The following BCAT1 variants were observed in gnomAD, a reference collection of about 807,000 sequenced individuals.
BCAT1 encodes branched-chain-amino-acid aminotransferase, cytosolic.
In BCAT1, 48 loss-of-function variants were observed where a neutral mutation model predicts 52.4. The ratio of observed to expected loss-of-function variants is 0.92; its 90% CI spans 0.73 to 1.16. The LOEUF (loss-of-function observed/expected upper bound fraction) is 1.16. Ranked by LOEUF, BCAT1 falls within the 50% of genes most tolerant of loss-of-function variation. The pLI is 0.00. For synonymous variants in BCAT1, 167 were observed against 161.3 expected (o/e 1.04, Z -0.27); for missense variants, 451 against 457.1 (o/e 0.99, Z 0.12).
intron 1 of BCAT1, among the ~76,000 whole-genome samples, chr12:24,910,228 T>C (rs1269624983): frequency 6.6e-6 from 1 of 151,744 alleles, no homozygotes; most frequent in African/African-American, 2.4e-5. Flanking sequence ...AAAGGAAAAA[T>C]TAGCTGGGCT....
intron 3 of BCAT1, among the ~76,000 whole-genome samples, chr12:24,893,185 A>G (rs530723999): frequency 6.6e-6 from 1 of 152,344 alleles, no homozygotes; most frequent in South Asian, 2.1e-4. Context: ...ATTAGTCAAG[A>G]AACAACTCTT....
At chr12:24,835,817 CT>C (rs1940895526) in intron 8 of BCAT1, among the ~76,000 whole-genome samples, 1 of 152,018 alleles carries the variant, frequency 6.6e-6, no homozygotes, top group South Asian at 2.1e-4. Context: ...TCTCGAATTC[CT>C]GGGCTTAAGT....
Position 24,815,052 on chromosome 12 carries a change from A to T in BCAT1, c.*2956T>A, listed in dbSNP as rs1209637131. ...AAGTCAACTCTTCTTTTGGTGTATC[A>T]CGAGTTGAATCCTTAATAAATGACT... On this transcript the variant is annotated 3_prime_UTR_variant, in exon 11 of 11. Coordinates refer to ENST00000261192, the MANE Select transcript of BCAT1 (RefSeq NM_005504.7). The T allele has an allele frequency of 6.6e-6, 1 of 152,112 alleles. No homozygotes were observed. The highest frequency in any genetic ancestry group is 1.5e-5 in the Non-Finnish European group (1 of 68,010). The allele number at this position is 152,112 out of a possible 1,614,324, so 9.4% of individuals were successfully genotyped here. A position where few individuals can be genotyped will look rare whatever the true frequency, so the allele number is the denominator to read the frequency against.
intron 9 of BCAT1, among the ~76,000 whole-genome samples, chr12:24,831,845 T>C (rs1203645482): frequency 1.3e-5 from 2 of 152,220 alleles, no homozygotes; most frequent in Non-Finnish European, 2.9e-5. Flanking sequence ...GGAGCTTTGT[T>C]ATAAAGTGAA....
At chr12:24,921,078 C>T (rs959972936) in intron 1 of BCAT1, among the ~76,000 whole-genome samples, 1 of 152,020 alleles carries the variant, frequency 6.6e-6, no homozygotes, top group Middle Eastern at 3.4e-3. Flanking sequence ...AGGAGGCTCA[C>T]GGGAAGGTAA....
intron 6 of BCAT1, among the ~76,000 whole-genome samples, chr12:24,842,531 G>T (rs1404156985): frequency 6.6e-6 from 1 of 152,160 alleles, no homozygotes; most frequent in Non-Finnish European, 1.5e-5. Flanking sequence ...AAGTTACTAT[G>T]TTTCCACACA....
chr12:24,820,180 C>T (rs2139313279), intron 10 of BCAT1, among the ~76,000 whole-genome samples: 1 of 152,258 alleles, frequency 6.6e-6, no homozygotes, highest in South Asian at 2.1e-4. Flanking sequence ...CAGTCGTAGG[C>T]CACATATCAC....
intron 1 of BCAT1, chr12:24,945,770 G>A (rs1479827970): frequency 2.6e-5 from 4 of 152,216 alleles, no homozygotes; most frequent in African/African-American, 9.7e-5. Flanking sequence ...GTTGCAGTGA[G>A]TAGAGATCAC....
Position 24,892,735 on chromosome 12 carries a change from C to T in BCAT1, c.279+1540G>A, listed in dbSNP as rs144808293. ...AGACATGGTGACATGTGTCTGTGGT[C>T]CCAGCTACTCAGGAGGCTGAGGTAC... is the stretch of plus-strand genomic sequence containing the variant. On this transcript the variant is annotated intron_variant, in intron 3 of 10. Transcript: ENST00000261192. Among the ~76,000 whole-genome samples, 855 of 152,258 alleles carry T rather than the reference C, an allele frequency of 5.6e-3. 6 individuals carry two copies. The highest frequency in any genetic ancestry group is 0.037 in the Middle Eastern group (11 of 294).
At position 24,816,433 on chromosome 12, in the gene BCAT1, G is replaced by A. The variant is rs1436726182; in HGVS notation, c.*1575C>T. Reference sequence around the variant, plus strand: ...TGACTTTCCTTAGATAAACCACAAAGGATACAATTTTAACTCACAGCTCCT... The same window carrying A: ...TGACTTTCCTTAGATAAACCACAAAAGATACAATTTTAACTCACAGCTCCT... On this transcript the variant is annotated 3_prime_UTR_variant, in exon 11 of 11. Coordinates refer to ENST00000261192, the MANE Select transcript of BCAT1 (RefSeq NM_005504.7). The A allele has an allele frequency of 1.1e-4, 43 of 397,552 alleles. No individual in the cohort carries two copies. In the Admixed American group the frequency reaches 1.9e-3, roughly 18 times the overall value. 24.6% of individuals were successfully genotyped at this position (397,552 alleles called of 1,614,324 possible).
rs7296995 is a variant in BCAT1, at chr12:24,814,674, T to C, written c.*3334A>G. 111,280 of 151,918 alleles carry C rather than the reference T, an allele frequency of 0.73. 40,857 individuals are homozygous for C. The highest frequency in any genetic ancestry group is 0.87 in the East Asian group (4,484 of 5,176). 9.4% of individuals were successfully genotyped at this position (151,918 alleles called of 1,614,324 possible). A position where few individuals can be genotyped will look rare whatever the true frequency, so the allele number is the denominator to read the frequency against. On this transcript the variant is annotated 3_prime_UTR_variant, in exon 11 of 11. Transcript: ENST00000261192. ...ATTTTATGAAGCAACAAAACTAATA[T>C]GGTGAAGAATTTTAACCCAAGGTGT...
intron 3 of BCAT1, among the ~76,000 whole-genome samples, chr12:24,885,496 T>A (rs553358012): frequency 2.8e-4 from 43 of 152,236 alleles, no homozygotes; most frequent in African/African-American, 9.6e-4. Flanking sequence ...TTAAAAAAAA[T>A]CACATTAGGG....
At chr12:24,842,031 T>G in intron 7 of BCAT1, 51 bp downstream of exon 7, 1 of 1,590,794 alleles carries the variant, frequency 6.3e-7, no homozygotes, top group Non-Finnish European at 8.6e-7. Flanking sequence ...GTCTTTCTGG[T>G]CCTGTTGAAA....
At chr12:24,922,888 A>G (rs1386438123) in intron 1 of BCAT1, among the ~76,000 whole-genome samples, 4 of 151,480 alleles carry the variant, frequency 2.6e-5, no homozygotes, top group African/African-American at 4.8e-5. Flanking sequence ...AAAAAAAAAA[A>G]TTTACAAGGC....
At chr12:24,886,437 A>C (rs547577904) in intron 3 of BCAT1, among the ~76,000 whole-genome samples, 11 of 152,172 alleles carry the variant, frequency 7.2e-5, no homozygotes, top group Non-Finnish European at 1.6e-4. Context: ...AAATGGCCAA[A>C]TCTGCATTCA....
Position 24,813,416 on chromosome 12 carries a change from C to T in BCAT1, c.*4592G>A, listed in dbSNP as rs1304322528. 1 of 151,966 alleles carries T rather than the reference C, an allele frequency of 6.6e-6. No individual in the cohort carries two copies. The highest frequency in any genetic ancestry group is 2.4e-5 in the African/African-American group (1 of 41,410). The allele number at this position is 151,966 out of a possible 1,614,324, so 9.4% of individuals were successfully genotyped here. ...AATAGCTGGATCCATCACCTTCAAG[C>T]TAATACTTTAAACAGCATGGTTCAT... On this transcript the variant is annotated 3_prime_UTR_variant, in exon 11 of 11. Transcript: ENST00000261192.
chr12:24,928,323 C>G (rs535358232), intron 1 of BCAT1, among the ~76,000 whole-genome samples: 18 of 152,190 alleles, frequency 1.2e-4, no homozygotes, highest in Admixed American at 6.5e-4. Context: ...TGTCCTGTAC[C>G]TAACTCACAC....
chr12:24,944,477 G>A (rs1331882274), intron 1 of BCAT1, among the ~76,000 whole-genome samples: 1 of 152,234 alleles, frequency 6.6e-6, no homozygotes, highest in Non-Finnish European at 1.5e-5. Context: ...TTAAGAGACA[G>A]CTGTGGAATG....
intron 10 of BCAT1, among the ~76,000 whole-genome samples, chr12:24,824,276 C>CTTCCTTCCTTCCT (rs1566554079): frequency 7.0e-6 from 1 of 143,324 alleles, no homozygotes; most frequent in African/African-American, 2.6e-5. Context: ...CATTCCCTCC[C>CTTCCTTCCTTCCT]TCCCTCCCTC....
Sources: allele counts gnomAD v4.1 joint callset (sites outside exome capture counted in the v4.1 genomes callset), GRCh38; gene constraint gnomAD v4.1.1; transcripts MANE v1.5; gene names NCBI Gene and HGNC (gene_info 2026-07-23, HGNC 2026-07-21).